The following MAST4 variants were observed in gnomAD, a reference collection of about 807,000 sequenced individuals.
MAST4 encodes microtubule-associated serine/threonine-protein kinase 4.
In MAST4, 89 loss-of-function variants were observed where a neutral mutation model predicts 162.7. The observed-to-expected ratio is 0.55, with a 90% CI of 0.46 to 0.65. The LOEUF (loss-of-function observed/expected upper bound fraction) is 0.65. Among genes scored for constraint, MAST4 ranks in the 30% least tolerant of loss-of-function variants. The probability of loss-of-function intolerance (pLI) is 0.00; values close to 1 mark genes in which losing one functional copy is unlikely to be tolerated. For missense variants in MAST4, 3,153 were observed against 3,374.0 expected, an observed-to-expected ratio of 0.93 and a Z score of 1.62; for synonymous variants, 1,479 against 1,361.1, an observed-to-expected ratio of 1.09 and a Z score of -1.91.
intron 7 of MAST4, among the ~76,000 whole-genome samples, chr5:67,096,943 G>A (rs1764532053): frequency 6.6e-6 from 1 of 152,096 alleles, no homozygotes; most frequent in Non-Finnish European, 1.5e-5. Flanking sequence ...GAATAAAATT[G>A]TCAGTAAATA....
intron 5 of MAST4, among the ~76,000 whole-genome samples, chr5:67,079,401 T>G (rs1227629227): frequency 6.6e-6 from 1 of 152,128 alleles, no homozygotes; most frequent in African/African-American, 2.4e-5. Context: ...GGGAGGAATT[T>G]TTTTATACAC....
chr5:66,908,647 GA>G (rs776400289), intron 4 of MAST4, among the ~76,000 whole-genome samples: 2 of 152,146 alleles, frequency 1.3e-5, no homozygotes, highest in African/African-American at 4.8e-5. Context: ...AGGATTGGGG[GA>G]AAGTTTTTTA....
intron 1 of MAST4, among the ~76,000 whole-genome samples, chr5:66,720,961 C>T (rs1441155033): frequency 6.6e-6 from 1 of 152,120 alleles, no homozygotes; most frequent in Non-Finnish European, 1.5e-5. Context: ...CATCGCCACT[C>T]CCACTCTCTC....
chr5:66,910,741 C>CTTTGTTT (rs1763690763), intron 4 of MAST4, among the ~76,000 whole-genome samples: 15 of 20,090 alleles, frequency 7.5e-4, no homozygotes, highest in African/African-American at 1.3e-3. Flanking sequence ...TTTTTTTTTT[C>CTTTGTTT]TTTTTTTTTT....
chr5:66,897,575 T>A (rs1762766623), intron 3 of MAST4, among the ~76,000 whole-genome samples: 1 of 152,232 alleles, frequency 6.6e-6, no homozygotes, highest in African/African-American at 2.4e-5. Flanking sequence ...CCATCACATC[T>A]GATTCCAATT....
chr5:67,142,656 C>T, intron 21 of MAST4, 123 bp downstream of exon 21: 1 of 664,708 alleles, frequency 1.5e-6, no homozygotes, highest in Non-Finnish European at 2.6e-6. Context: ...TATGCTTAAA[C>T]TTCCTTTTGT....
At chr5:67,031,601 G>A (rs113244300) in intron 4 of MAST4, among the ~76,000 whole-genome samples, 3 of 152,256 alleles carry the variant, frequency 2.0e-5, no homozygotes, top group South Asian at 4.1e-4. Flanking sequence ...GAAAAACTGC[G>A]TACAGACTTA....
chr5:67,079,412 A>C (rs1762350052), intron 5 of MAST4, among the ~76,000 whole-genome samples: 1 of 152,134 alleles, frequency 6.6e-6, no homozygotes, highest in African/African-American at 2.4e-5. Flanking sequence ...TTTTATACAC[A>C]TATGCTTGTG....
chr5:67,096,260 A>G (rs2150826373), intron 7 of MAST4, among the ~76,000 whole-genome samples: 1 of 152,334 alleles, frequency 6.6e-6, no homozygotes, highest in South Asian at 2.1e-4. Context: ...TCTTGCCCCA[A>G]ACTATAACAT....
At chr5:66,605,538 T>C (rs1463089937) in intron 1 of MAST4, among the ~76,000 whole-genome samples, 1 of 152,224 alleles carries the variant, frequency 6.6e-6, no homozygotes, top group East Asian at 1.9e-4. Flanking sequence ...TTTGGTACTT[T>C]ACTGTTCAAA....
chr5:66,640,925 G>C (rs1745450622), intron 1 of MAST4, among the ~76,000 whole-genome samples: 1 of 152,144 alleles, frequency 6.6e-6, no homozygotes, highest in African/African-American at 2.4e-5. Flanking sequence ...GCCATCCTAA[G>C]ATGATATCTC....
chr5:67,041,390 C>T (rs1756720654), intron 4 of MAST4, among the ~76,000 whole-genome samples: 1 of 152,164 alleles, frequency 6.6e-6, no homozygotes, highest in Admixed American at 6.6e-5. Context: ...TTACATTTAC[C>T]ATCAAGCCTT....
chr5:66,786,120 C>T (rs894926584), intron 2 of MAST4, among the ~76,000 whole-genome samples: 10 of 152,130 alleles, frequency 6.6e-5, no homozygotes, highest in East Asian at 5.8e-4. Flanking sequence ...CCGCTCACCT[C>T]GGCCTCCCAA....
intron 1 of MAST4, among the ~76,000 whole-genome samples, chr5:66,639,015 A>G (rs886203040): frequency 2.0e-5 from 3 of 152,164 alleles, no homozygotes; most frequent in Admixed American, 1.3e-4. Flanking sequence ...ATGATTGGGT[A>G]CCTGAGTTGG....
At chr5:66,881,121 T>C (rs1285161294) in intron 3 of MAST4, among the ~76,000 whole-genome samples, 1 of 152,242 alleles carries the variant, frequency 6.6e-6, no homozygotes, top group East Asian at 1.9e-4. Context: ...TTGTGCTATC[T>C]TTGTAGCAAA....
At chr5:66,903,662 A>G (rs1763157282) in intron 4 of MAST4, among the ~76,000 whole-genome samples, 1 of 152,280 alleles carries the variant, frequency 6.6e-6, no homozygotes, top group Non-Finnish European at 1.5e-5. Context: ...AGCAAAGGAG[A>G]TAATAGCATT....
chr5:67,033,621 A>G (rs1252684230), intron 4 of MAST4, among the ~76,000 whole-genome samples: 6 of 152,142 alleles, frequency 3.9e-5, no homozygotes, highest in African/African-American at 9.7e-5. Context: ...GTGGTGCCCT[A>G]TGAATTTTGT....
intron 7 of MAST4, among the ~76,000 whole-genome samples, chr5:67,099,172 A>C (rs1193780816): frequency 6.8e-6 from 1 of 147,442 alleles, no homozygotes; most frequent in East Asian, 2.0e-4. Flanking sequence ...CATTGATTTT[A>C]TTTTATTTTT....
intron 1 of MAST4, among the ~76,000 whole-genome samples, chr5:66,752,886 A>C (rs1008125806): frequency 3.3e-5 from 5 of 152,112 alleles, no homozygotes; most frequent in East Asian, 1.9e-4. Context: ...TCCAAAATTG[A>C]CCACATAGTT....
Sources: allele counts gnomAD v4.1 joint callset (sites outside exome capture counted in the v4.1 genomes callset), GRCh38; gene constraint gnomAD v4.1.1; transcripts MANE v1.5; gene names NCBI Gene and HGNC (gene_info 2026-07-23, HGNC 2026-07-21).